FER: variants seen among roughly 807,000 people sequenced by gnomAD.
The protein encoded by FER is tyrosine-protein kinase Fer.
In FER, 63 loss-of-function variants were observed where a neutral mutation model predicts 111.0. That is an observed-to-expected ratio of 0.57 (90% CI 0.46 to 0.70). The LOEUF is 0.70. Ranked by LOEUF, FER falls within the 30% of genes least tolerant of loss-of-function variation. The probability of loss-of-function intolerance (pLI) is 0.00; values close to 1 mark genes in which losing one functional copy is unlikely to be tolerated. For synonymous variants in FER, 327 were observed against 313.9 expected (o/e 1.04, Z -0.44); for missense variants, 914 against 954.0 (o/e 0.96, Z 0.55).
intron 16 of FER, among the ~76,000 whole-genome samples, chr5:109,081,187 G>C (rs1776946871): frequency 6.6e-6 from 1 of 151,992 alleles, no homozygotes; most frequent in African/African-American, 2.4e-5. Context: ...AAGTTGAAGT[G>C]AGAAAAGACG....
chr5:108,984,108 TCTA>T (rs768322976), intron 13 of FER, among the ~76,000 whole-genome samples: 36 of 152,256 alleles, frequency 2.4e-4, no homozygotes, highest in Non-Finnish European at 4.0e-4. Context: ...TAGGTCAAGT[TCTA>T]CTAGCAGTTT....
chr5:109,156,919 T>C (rs967628527), intron 17 of FER, among the ~76,000 whole-genome samples: 2 of 151,886 alleles, frequency 1.3e-5, no homozygotes, highest in African/African-American at 4.8e-5. Context: ...TGGGGTGATA[T>C]CTGGAAGGGG....
chr5:108,894,282 G>T, intron 9 of FER: 1 of 556,364 alleles, frequency 1.8e-6, no homozygotes, highest in East Asian at 6.9e-5. Flanking sequence ...TGGGCATTAG[G>T]GGTTCAGGTT....
intron 16 of FER, among the ~76,000 whole-genome samples, chr5:109,097,798 G>T (rs760356616): frequency 7.3e-5 from 11 of 151,520 alleles, no homozygotes; most frequent in Non-Finnish European, 1.3e-4. Flanking sequence ...CTTGCTTCAG[G>T]GTTCTTAATA....
chr5:108,938,089 G>T (rs1755771491), intron 10 of FER, among the ~76,000 whole-genome samples: 1 of 148,928 alleles, frequency 6.7e-6, no homozygotes, highest in African/African-American at 2.5e-5. Context: ...CTGAAGGGCT[G>T]ATGGGAAAGA....
At chr5:109,183,338 T>C (rs1758495372) in intron 18 of FER, among the ~76,000 whole-genome samples, 1 of 146,824 alleles carries the variant, frequency 6.8e-6, no homozygotes, top group East Asian at 2.0e-4. Context: ...AACCTCTGCC[T>C]CCTGGGTTCA....
intron 3 of FER, 138 bp downstream of exon 3, chr5:108,798,527 T>C: frequency 1.3e-6 from 1 of 765,634 alleles, no homozygotes; most frequent in East Asian, 2.7e-5. Context: ...AGTATGAAAA[T>C]CTCATGGAGA....
At chr5:109,162,522 G>T (rs76061095) in intron 17 of FER, among the ~76,000 whole-genome samples, 2 of 152,026 alleles carry the variant, frequency 1.3e-5, no homozygotes, top group African/African-American at 2.4e-5. Context: ...TCACAAATAC[G>T]GTCCACAAGG....
chr5:108,894,294 G>C, intron 9 of FER: 1 of 716,806 alleles, frequency 1.4e-6, no homozygotes, highest in Admixed American at 3.4e-5. Flanking sequence ...GTTCAGGTTG[G>C]GACTTGGGGG....
At chr5:109,127,384 A>G (rs531027113) in intron 17 of FER, among the ~76,000 whole-genome samples, 8 of 151,950 alleles carry the variant, frequency 5.3e-5, no homozygotes, top group African/African-American at 1.9e-4. Flanking sequence ...CTGTGTTTCC[A>G]TTTTTATTTT....
intron 8 of FER, among the ~76,000 whole-genome samples, chr5:108,879,969 C>T (rs771216941): frequency 3.3e-5 from 5 of 151,824 alleles, no homozygotes; most frequent in Non-Finnish European, 7.4e-5. Flanking sequence ...CCTCAACCTC[C>T]CAAAGTGCTG....
chr5:108,788,534 C>CTTTT (rs111580201), intron 2 of FER, among the ~76,000 whole-genome samples: 2 of 146,216 alleles, frequency 1.4e-5, no homozygotes, highest in Admixed American at 6.8e-5. Flanking sequence ...ACACTAATAT[C>CTTTT]TTTTTTTTTT....
At chr5:108,891,094 T>G (rs1260957574) in intron 9 of FER, among the ~76,000 whole-genome samples, 2 of 152,190 alleles carry the variant, frequency 1.3e-5, no homozygotes, top group African/African-American at 4.8e-5. Flanking sequence ...GATATCTCAT[T>G]GTTGTTTTAA....
At chr5:109,092,479 G>T (rs964509676) in intron 16 of FER, among the ~76,000 whole-genome samples, 7 of 151,932 alleles carry the variant, frequency 4.6e-5, no homozygotes, top group Non-Finnish European at 7.4e-5. Flanking sequence ...CTCCAAGGAA[G>T]ATATACACAT....
chr5:108,823,171 G>T (rs1350929358), intron 3 of FER, among the ~76,000 whole-genome samples: 1 of 152,156 alleles, frequency 6.6e-6, no homozygotes, highest in African/African-American at 2.4e-5. Flanking sequence ...CTGGCCTGGG[G>T]ATCAAACTTT....
intron 13 of FER, among the ~76,000 whole-genome samples, chr5:108,961,790 G>A (rs773210973): frequency 6.6e-6 from 1 of 152,052 alleles, no homozygotes; most frequent in Non-Finnish European, 1.5e-5. Flanking sequence ...TTGTTATGGT[G>A]GTAGTATCTG....
rs562580898 is a variant in FER, at chr5:108,880,180, T to C, written c.924-3216T>C. Among the ~76,000 whole-genome samples, 18 of 152,214 alleles carry C rather than the reference T, an allele frequency of 1.2e-4. No homozygotes were observed. In the South Asian group the frequency reaches 3.7e-3, roughly 32 times the overall value. On this transcript the variant is annotated intron_variant, in intron 8 of 19. Coordinates refer to ENST00000281092, the MANE Select transcript of FER (RefSeq NM_005246.4). ...AATAAACACTTGTTTAAATGAATGA[T>C]TGAAGTTTTGAGAAGAGAGATGAAT...
chr5:109,115,535 ATTG>A (rs916497228), intron 17 of FER, among the ~76,000 whole-genome samples: 1 of 152,162 alleles, frequency 6.6e-6, no homozygotes, highest in South Asian at 2.1e-4. Flanking sequence ...GTTTATAATA[ATTG>A]TTATCTTATC....
intron 13 of FER, among the ~76,000 whole-genome samples, chr5:109,010,544 A>T (rs1363391996): frequency 6.6e-6 from 1 of 152,078 alleles, no homozygotes; most frequent in Non-Finnish European, 1.5e-5. Context: ...GTCTCCAAGG[A>T]TCAACACCTG....
Sources: allele counts gnomAD v4.1 joint callset (sites outside exome capture counted in the v4.1 genomes callset), GRCh38; gene constraint gnomAD v4.1.1; transcripts MANE v1.5; gene names NCBI Gene and HGNC (gene_info 2026-07-23, HGNC 2026-07-21).